Variants in RALGPS1 observed in about 807,000 individuals in gnomAD.
The protein encoded by RALGPS1 is Ral GEF with PH domain and SH3 binding motif 1, also known as ras-specific guanine nucleotide-releasing factor RalGPS1.
RALGPS1 carries 19 observed loss-of-function variants against 78.8 expected under a neutral mutation model. That is an observed-to-expected ratio of 0.24 (90% confidence interval 0.17 to 0.35). The LOEUF (loss-of-function observed/expected upper bound fraction) is 0.35. Among genes scored for constraint, RALGPS1 ranks in the 10% least tolerant of loss-of-function variants. The pLI, the probability that RALGPS1 is intolerant of heterozygous loss-of-function variation, is 1.00. For missense variants in RALGPS1, 454 were observed against 688.3 expected, an observed-to-expected ratio of 0.66 and a Z score of 3.81; for synonymous variants, 228 against 256.3, an observed-to-expected ratio of 0.89 and a Z score of 1.06.
chr9:127,135,674 AG>A (rs1457389808), intron 8 of RALGPS1, among the ~76,000 whole-genome samples: 2 of 152,122 alleles, frequency 1.3e-5, no homozygotes, highest in Non-Finnish European at 2.9e-5. Context: ...CTTGCTTGAG[AG>A]GGTGGGTCCC....
At chr9:126,935,528 A>C (rs1588510586) in intron 1 of RALGPS1, among the ~76,000 whole-genome samples, 1 of 152,216 alleles carries the variant, frequency 6.6e-6, no homozygotes, top group African/African-American at 2.4e-5. Flanking sequence ...TCTTCCGTCA[A>C]CCTGTTTTCA....
Position 127,212,766 on chromosome 9 carries a change from G to T in RALGPS1, c.1446+47G>T. On this transcript the variant is annotated intron_variant, in intron 16 of 18. Coordinates refer to ENST00000259351, the MANE Select transcript of RALGPS1 (RefSeq NM_014636.3). This position sits in a 1 kb window ranked among gnomAD's most constrained non-coding sequence, Gnocchi z 6.0. The stretch of plus-strand genomic sequence containing the variant: ...TAGTGCTGGGACTTCCTCTAGTGGG[G>T]AAGGGACCTCTGTGAACTGTGGAGG... The T allele has an allele frequency of 6.4e-7, 1 of 1,550,712 alleles. No homozygotes were observed. Among genetic ancestry groups the T allele is most frequent in the Non-Finnish European group, 8.9e-7 (1 of 1,128,486 alleles).
chr9:127,016,240 C>T (rs2044813533), intron 4 of RALGPS1, among the ~76,000 whole-genome samples: 1 of 152,086 alleles, frequency 6.6e-6, no homozygotes, highest in Non-Finnish European at 1.5e-5. Flanking sequence ...CTCCATTTGC[C>T]CTCGAAACAC....
chr9:127,069,253 T>C lies in RALGPS1; in HGVS notation c.507T>C (p.Thr169=), dbSNP rs780343183. Residue 169 remains threonine, a synonymous_variant, in exon 8 of 19, where the codon ACT becomes ACC. Coordinates refer to ENST00000259351, the MANE Select transcript of RALGPS1 (RefSeq NM_014636.3). ...TWALLNRKDK[T]TFEKLDYLMS... is the part of the protein sequence containing the mutation. ...AGCTTTTAAATCGAAAAGACAAGAC[T>C]ACCTTTGAGAAATTGGACTACCTGA... 1.2e-6 allele frequency: 2 copies of C among 1,610,386 alleles called. No individual in the cohort carries two copies. Among genetic ancestry groups the C allele is most frequent in the Non-Finnish European group, 1.7e-6 (2 of 1,176,874 alleles).
chr9:126,994,728 T>A (rs1416488206), intron 4 of RALGPS1, among the ~76,000 whole-genome samples: 5 of 144,970 alleles, frequency 3.4e-5, no homozygotes, highest in East Asian at 2.0e-4. Flanking sequence ...CACATAATTG[T>A]CAGATTCACC....
chr9:127,095,170 A>G lies in RALGPS1; in HGVS notation c.610+25814A>G, dbSNP rs571556612. Among the ~76,000 whole-genome samples, 11 of 152,336 alleles carry G rather than the reference A, an allele frequency of 7.2e-5. No individual in the cohort carries two copies. In the East Asian group the frequency reaches 1.7e-3, roughly 24 times the overall value. On this transcript the variant is annotated intron_variant, in intron 8 of 18. Coordinates refer to ENST00000259351, the MANE Select transcript of RALGPS1 (RefSeq NM_014636.3). ...TCCCAGCACTTTGGGAGGCTGAGGCAGGCAGATCACAAAGTCAGGAGATCG... is the reference window on the plus strand; with the variant it reads ...TCCCAGCACTTTGGGAGGCTGAGGCGGGCAGATCACAAAGTCAGGAGATCG...
At position 126,925,129 on chromosome 9, in the gene RALGPS1, AAAAT is replaced by A. The variant is rs545566022; in HGVS notation, c.-66+10180_-66+10183del. Among the ~76,000 whole-genome samples, 76 of 152,068 alleles carry A rather than the reference AAAAT, an allele frequency of 5.0e-4. 1 individual carries two copies. In the South Asian group the frequency reaches 0.012, roughly 25 times the overall value. On this transcript the variant is annotated intron_variant, in intron 1 of 18. Transcript: ENST00000259351. The stretch of plus-strand genomic sequence containing the variant: ...GAAGCAAGAGTGAAACTCCATCTCA[AAAAT>A]AAATAAATAAATAAATAAATAAATA...
chr9:126,951,784 A>G (rs972409890), intron 1 of RALGPS1, among the ~76,000 whole-genome samples: 5 of 152,098 alleles, frequency 3.3e-5, no homozygotes, highest in African/African-American at 1.2e-4. Flanking sequence ...CTCTCTCACC[A>G]CTCCTATTCA....
intron 4 of RALGPS1, among the ~76,000 whole-genome samples, chr9:126,996,058 G>C (rs1455449931): frequency 1.3e-5 from 2 of 152,102 alleles, no homozygotes; most frequent in Admixed American, 6.5e-5. Context: ...TTATAGCACT[G>C]AATGGCCACA....
At chr9:126,954,576 C>G (rs2038170103) in intron 1 of RALGPS1, among the ~76,000 whole-genome samples, 2 of 152,198 alleles carry the variant, frequency 1.3e-5, no homozygotes, top group African/African-American at 4.8e-5. Flanking sequence ...CACTTGAGGT[C>G]AGGAGATCAA....
In RALGPS1 at chr9:127,212,823, C is replaced by A; in HGVS notation, c.1446+104C>A. The stretch of plus-strand genomic sequence containing the variant: ...GTGGGAAAGGGATCTGTGTGAACTG[C>A]GGAGGATGCAGGTGGGAAGGCGGCA... On this transcript the variant is annotated intron_variant, in intron 16 of 18. Transcript: ENST00000259351. This position sits in a 1 kb window ranked among gnomAD's most constrained non-coding sequence, Gnocchi z 6.0. 6.5e-7 allele frequency: 1 copy of A among 1,541,254 alleles called. No homozygotes were observed. Among genetic ancestry groups the A allele is most frequent in the South Asian group, 1.2e-5 (1 of 86,778 alleles).
In RALGPS1 at chr9:127,133,429, G is replaced by A. The variant is rs776470451; in HGVS notation, c.611-32640G>A. Among the ~76,000 whole-genome samples, 28 of 152,226 alleles carry A rather than the reference G, an allele frequency of 1.8e-4. 1 individual carries two copies. Among genetic ancestry groups the A allele is most frequent in the Non-Finnish European group, 5.9e-5 (4 of 68,044 alleles). ...ACTCAGCTGGTTTTGTTTACTCAGC[G>A]AGCTTGAGAGCATGCCGAGGTGGCG... On this transcript the variant is annotated intron_variant, in intron 8 of 18. Coordinates refer to ENST00000259351, the MANE Select transcript of RALGPS1 (RefSeq NM_014636.3).
chr9:127,090,782 G>A (rs1002151769), intron 8 of RALGPS1, among the ~76,000 whole-genome samples: 1 of 152,222 alleles, frequency 6.6e-6, no homozygotes, highest in Non-Finnish European at 1.5e-5. Context: ...CCGTCAGGTG[G>A]TGCCAGCCTC....
intron 10 of RALGPS1, among the ~76,000 whole-genome samples, chr9:127,169,704 G>A (rs776229173): frequency 1.8e-4 from 28 of 152,132 alleles, no homozygotes; most frequent in Non-Finnish European, 3.7e-4. Context: ...CGAAAGCAAC[G>A]CACATTCAGT....
At chr9:127,108,895 C>T in intron 8 of RALGPS1, 1 of 750,458 alleles carries the variant, frequency 1.3e-6, no homozygotes, top group Non-Finnish European at 2.1e-6. Flanking sequence ...AACTCTGCTT[C>T]AGGATGCTGG....
At chr9:127,174,234 CAGAG>C (rs1207680484) in intron 10 of RALGPS1, among the ~76,000 whole-genome samples, 258 of 118,358 alleles carry the variant, frequency 2.2e-3, no homozygotes, top group African/African-American at 7.5e-3. Context: ...GAAAGAAAGA[CAGAG>C]AGAGAGAGAG....
intron 8 of RALGPS1, among the ~76,000 whole-genome samples, chr9:127,126,188 G>A (rs932145108): frequency 7.1e-6 from 1 of 141,572 alleles, no homozygotes; most frequent in Non-Finnish European, 1.5e-5. Context: ...CTTTTTAAAT[G>A]TCTTTCTGTT....
At chr9:127,088,299 G>A (rs1381738290) in intron 8 of RALGPS1, 2 of 152,226 alleles carry the variant, frequency 1.3e-5, no homozygotes, top group East Asian at 3.8e-4. Context: ...GGGTTCTTAA[G>A]AAGCTGGGAA....
chr9:127,108,586 T>TCGCC, intron 8 of RALGPS1: 4 of 1,613,598 alleles, frequency 2.5e-6, no homozygotes, highest in Non-Finnish European at 3.4e-6. Context: ...GTCCTGGGAC[T>TCGCC]CGCCCGCCCG....
Sources: gnomAD v4.1 joint callset for allele counts (sites outside exome capture counted in the v4.1 genomes callset) on GRCh38, gnomAD v4.1.1 for gene constraint, Gnocchi (gnomAD v3.1) non-coding constraint, MANE v1.5 for transcripts, NCBI Gene and HGNC (gene_info 2026-07-23, HGNC 2026-07-21) for gene names.